VPS13C: variants seen among roughly 807,000 people sequenced by gnomAD.
The protein encoded by VPS13C is intermembrane lipid transfer protein VPS13C.
A neutral mutation model predicts 456.8 loss-of-function variants in VPS13C; 358 were observed. The ratio of observed to expected loss-of-function variants is 0.78; its 90% confidence interval spans 0.72 to 0.86. The LOEUF is 0.86. VPS13C is among the 40% of genes least tolerant of loss of function. The pLI is 0.00. For missense variants in VPS13C, 4,818 were observed against 4,385.4 expected (o/e 1.10, Z -2.79); for synonymous variants, 1,578 against 1,486.7 (o/e 1.06, Z -1.41).
chr15:61,944,573 A>G (rs1224784025), intron 45 of VPS13C, among the ~76,000 whole-genome samples: 1 of 152,180 alleles, frequency 6.6e-6, no homozygotes, highest in Non-Finnish European at 1.5e-5. Context: ...TATAAATGGG[A>G]GCTAAACACT....
intron 9 of VPS13C, among the ~76,000 whole-genome samples, chr15:62,015,949 AAAAAG>A (rs2047227371): frequency 9.0e-6 from 1 of 111,460 alleles, no homozygotes; most frequent in Non-Finnish European, 2.0e-5. Flanking sequence ...TAAAAAATAA[AAAAAG>A]AAGTCCAAAA....
At chr15:61,957,294 G>A (rs774725733) in intron 37 of VPS13C, among the ~76,000 whole-genome samples, 6 of 152,072 alleles carry the variant, frequency 3.9e-5, no homozygotes, top group African/African-American at 7.2e-5. Context: ...TTACCTCTGC[G>A]TGGATTTGCA....
chr15:62,010,624 G>T, intron 12 of VPS13C, 25 bp from the exon 13 acceptor site: 1 of 1,596,532 alleles, frequency 6.3e-7, no homozygotes, highest in Non-Finnish European at 8.5e-7. Flanking sequence ...GAAGACATAA[G>T]ATATGTTCAT....
intron 49 of VPS13C, 58 bp from the exon 50 acceptor site, chr15:61,931,317 T>G (rs2044048205): frequency 2.1e-6 from 3 of 1,453,578 alleles, no homozygotes; most frequent in Non-Finnish European, 2.7e-6. Context: ...TATAATTACT[T>G]TTAAACATAT....
intron 37 of VPS13C, among the ~76,000 whole-genome samples, chr15:61,955,548 T>C (rs1175034851): frequency 6.6e-6 from 1 of 152,170 alleles, no homozygotes; most frequent in African/African-American, 2.4e-5. Flanking sequence ...TGACAAAGCA[T>C]TGCATAGCGC....
rs143985054 is a variant in VPS13C at position 61,945,645 on chromosome 15, T to C, written c.5148+70A>G. 412 of 1,287,912 alleles carry C rather than the reference T, an allele frequency of 3.2e-4. 2 individuals are homozygous for C. The African/African-American group carries it at 4.9e-3, about 15-fold the overall frequency. 79.8% of individuals were successfully genotyped at this position (1,287,912 alleles called of 1,614,324 possible). ...GCCTTATCAGTGAAGATTTTTACTA[T>C]CTAGGTTCAGTTGTATAAGCAAAGA... On this transcript the variant is annotated intron_variant, in intron 45 of 84. Coordinates refer to ENST00000644861, the MANE Select transcript of VPS13C (RefSeq NM_020821.3).
chr15:62,051,452 T>C (rs2048614934), intron 1 of VPS13C, among the ~76,000 whole-genome samples: 1 of 152,248 alleles, frequency 6.6e-6, no homozygotes, highest in African/African-American at 2.4e-5. Flanking sequence ...CCAAGAATCC[T>C]ATGGCAACCT....
chr15:62,048,148 A>C (rs1396762512), intron 1 of VPS13C, among the ~76,000 whole-genome samples: 1 of 149,910 alleles, frequency 6.7e-6, no homozygotes, highest in Non-Finnish European at 1.5e-5. Context: ...GTACATGTGC[A>C]CAATGTGCAG....
intron 81 of VPS13C, among the ~76,000 whole-genome samples, chr15:61,868,227 A>T (rs1894730047): frequency 6.6e-6 from 1 of 152,162 alleles, no homozygotes; most frequent in Admixed American, 6.5e-5. Flanking sequence ...GATCATAATT[A>T]TACATAATCT....
At chr15:62,033,762 G>C (rs1041732378) in intron 4 of VPS13C, among the ~76,000 whole-genome samples, 1 of 151,570 alleles carries the variant, frequency 6.6e-6, no homozygotes, top group Non-Finnish European at 1.5e-5. Flanking sequence ...AGAAATTACA[G>C]GTAGAAAGGC....
Position 61,934,274 on chromosome 15 carries a change from A to G in VPS13C, c.5813T>C (p.Phe1938Ser). ...GGAAAGAGATTCAAAGTGAAAGTCA[A>G]ATTGGAGACTGACAATCTGGTTCAT... ...LSMNQIVSLQFDFHFESLSII... is the reference protein window; with the variant it reads ...LSMNQIVSLQSDFHFESLSII... Residue 1938 changes from phenylalanine (F) to serine (S), a missense_variant, in exon 49 of 85, where the codon TTT (phenylalanine) becomes TCT (serine). Physicochemically the swap from Phe to Ser is radical, Grantham distance 155 (BLOSUM62 -2). Transcript: ENST00000644861. 6.3e-7 allele frequency: 1 copy of G among 1,598,638 alleles called. No homozygotes were observed. The highest frequency in any genetic ancestry group is 1.1e-5 in the South Asian group (1 of 88,326).
intron 1 of VPS13C, among the ~76,000 whole-genome samples, chr15:62,055,645 G>T (rs898272259): frequency 2.0e-5 from 3 of 151,732 alleles, no homozygotes; most frequent in Non-Finnish European, 4.4e-5. Flanking sequence ...ACAATATTTC[G>T]ATCTTAAAAC....
At chr15:62,012,731 A>G (rs1305377267) in intron 11 of VPS13C, among the ~76,000 whole-genome samples, 1 of 151,858 alleles carries the variant, frequency 6.6e-6, no homozygotes, top group Non-Finnish European at 1.5e-5. Flanking sequence ...TCATTCTGAT[A>G]TGAAATATCA....
At chr15:61,996,212 T>G (rs988896066) in intron 16 of VPS13C, among the ~76,000 whole-genome samples, 2 of 152,314 alleles carry the variant, frequency 1.3e-5, no homozygotes, top group East Asian at 1.9e-4. Flanking sequence ...TGAACTAATA[T>G]GAACCACCCA....
rs367873827 is a variant in VPS13C at position 61,911,642 on chromosome 15, T to C, written c.8715+198A>G. On this transcript the variant is annotated intron_variant, in intron 63 of 84. Transcript: ENST00000644861. ...GAATTAGAAAAAAGACTATTAATGATCTAGACTGGGCTAGTGTATTATCAA... is the reference window on the plus strand; with the variant it reads ...GAATTAGAAAAAAGACTATTAATGACCTAGACTGGGCTAGTGTATTATCAA... Among the ~76,000 whole-genome samples, 24 of 152,314 alleles carry C rather than the reference T, an allele frequency of 1.6e-4. No individual in the cohort carries two copies. In the East Asian group the frequency reaches 3.9e-3, roughly 25 times the overall value.
intron 37 of VPS13C, 96 bp from the exon 38 acceptor site, chr15:61,954,650 GC>G (rs1666985576): frequency 7.7e-7 from 1 of 1,291,368 alleles, no homozygotes; most frequent in Non-Finnish European, 1.0e-6. Flanking sequence ...CCTGGTAGAG[GC>G]AATGAAAATC....
intron 67 of VPS13C, among the ~76,000 whole-genome samples, chr15:61,887,445 C>T (rs1301052748): frequency 6.6e-6 from 1 of 152,162 alleles, no homozygotes; most frequent in Non-Finnish European, 1.5e-5. Context: ...GAGCTTCCAT[C>T]TTTCACAAAA....
chr15:61,878,339 T>C (rs945756872), intron 74 of VPS13C, among the ~76,000 whole-genome samples: 7 of 151,878 alleles, frequency 4.6e-5, no homozygotes, highest in African/African-American at 1.7e-4. Context: ...TTATAATATA[T>C]GACTAAAAAA....
At position 62,003,531 on chromosome 15, in the gene VPS13C, C is replaced by A. The variant is rs139360821; in HGVS notation, c.1291-2905G>T. Among the ~76,000 whole-genome samples the A allele has an allele frequency of 9.1e-3, 1,383 of 152,208 alleles. 12 individuals are homozygous for A. The highest frequency in any genetic ancestry group is 0.018 in the Admixed American group (273 of 15,294). ...TTTAGTTCCTTCTCCTGCCTAATTG[C>A]CCTGGCCAGAACTTCCAACACTATG... On this transcript the variant is annotated intron_variant, in intron 15 of 84. Transcript: ENST00000644861.
Sources: allele counts gnomAD v4.1 joint callset (sites outside exome capture counted in the v4.1 genomes callset), GRCh38; gene constraint gnomAD v4.1.1; transcripts MANE v1.5; gene names NCBI Gene and HGNC (gene_info 2026-07-23, HGNC 2026-07-21).